The following SMC6 variants were observed in gnomAD, a reference collection of about 807,000 sequenced individuals.
SMC6 encodes structural maintenance of chromosomes 6, also known as structural maintenance of chromosomes protein 6.
SMC6 carries 79 observed loss-of-function variants against 142.2 expected under a neutral mutation model. The ratio of observed to expected loss-of-function variants is 0.56; its 90% CI spans 0.46 to 0.67. The LOEUF is 0.67. Among genes scored for constraint, SMC6 ranks in the 30% least tolerant of loss-of-function variants. The probability of loss-of-function intolerance (pLI) is 0.00; values close to 1 mark genes in which losing one functional copy is unlikely to be tolerated. For missense variants in SMC6, 1,072 were observed against 1,284.0 expected, an observed-to-expected ratio of 0.83 and a Z score of 2.52; for synonymous variants, 411 against 412.4, an observed-to-expected ratio of 1.00 and a Z score of 0.04.
At chr2:17,701,309 A>C (rs1211043464) in intron 20 of SMC6, among the ~76,000 whole-genome samples, 2 of 152,220 alleles carry the variant, frequency 1.3e-5, no homozygotes, top group Non-Finnish European at 2.9e-5. Flanking sequence ...TATCTAATTC[A>C]CTGTTTACTG....
rs149303218 is a variant in SMC6 at position 17,723,107 on chromosome 2, GTCAT to G, written c.727-1850_727-1847del. Among the ~76,000 whole-genome samples the G allele has an allele frequency of 7.2e-3, 1,089 of 151,850 alleles. 10 individuals carry two copies. The highest frequency in any genetic ancestry group is 0.025 in the South Asian group (120 of 4,796). ...TACTACTAAAGTAATTAATCTGGAG[GTCAT>G]TCAGTCACCTTTGATGCCTCTGTCT... On this transcript the variant is annotated intron_variant, in intron 9 of 27. Coordinates refer to ENST00000448223, the MANE Select transcript of SMC6 (RefSeq NM_001142286.2).
At chr2:17,731,642 G>T in intron 6 of SMC6, 99 bp downstream of exon 6, 2 of 1,181,934 alleles carry the variant, frequency 1.7e-6, no homozygotes, top group Non-Finnish European at 2.4e-6. Flanking sequence ...AACCAATCAT[G>T]TTACAAGGAA....
chr2:17,666,748 G>A (rs1161684561), intron 26 of SMC6, among the ~76,000 whole-genome samples: 2 of 151,996 alleles, frequency 1.3e-5, no homozygotes, highest in Non-Finnish European at 1.5e-5. Flanking sequence ...TTTGAGAGGT[G>A]GAGGTCACAG....
intron 26 of SMC6, among the ~76,000 whole-genome samples, chr2:17,669,738 GCAAA>G (rs1320198930): frequency 1.3e-5 from 2 of 152,244 alleles, no homozygotes; most frequent in African/African-American, 4.8e-5. Flanking sequence ...AGTAGATTGA[GCAAA>G]CAATGAGATA....
chr2:17,732,765 C>G (rs1456005260), intron 5 of SMC6, among the ~76,000 whole-genome samples: 1 of 151,436 alleles, frequency 6.6e-6, no homozygotes, highest in Non-Finnish European at 1.5e-5. Context: ...ATTAAAAAGA[C>G]ATATTTTAAA....
intron 5 of SMC6, among the ~76,000 whole-genome samples, chr2:17,735,253 A>G (rs1025043161): frequency 6.6e-6 from 1 of 152,204 alleles, no homozygotes; most frequent in Non-Finnish European, 1.5e-5. Context: ...CAATGAGTGA[A>G]AAGAGAGACT....
intron 25 of SMC6, among the ~76,000 whole-genome samples, chr2:17,671,317 A>G (rs908921903): frequency 6.6e-6 from 1 of 152,052 alleles, no homozygotes; most frequent in Non-Finnish European, 1.5e-5. Flanking sequence ...TACACTGGCC[A>G]AAGAAATGCA....
At chr2:17,677,004 T>C (rs769553907) in intron 25 of SMC6, among the ~76,000 whole-genome samples, 9 of 152,146 alleles carry the variant, frequency 5.9e-5, no homozygotes, top group Non-Finnish European at 1.0e-4. Flanking sequence ...AGAAGAATTT[T>C]ACTTCTTCTG....
intron 16 of SMC6, among the ~76,000 whole-genome samples, chr2:17,713,117 A>G (rs932713547): frequency 1.3e-5 from 2 of 152,240 alleles, no homozygotes; most frequent in African/African-American, 4.8e-5. Flanking sequence ...TTTGTCAACA[A>G]AACACTCAAC....
chr2:17,742,281 T>C (rs1670512023), intron 3 of SMC6, among the ~76,000 whole-genome samples: 1 of 152,220 alleles, frequency 6.6e-6, no homozygotes, highest in Non-Finnish European at 1.5e-5. Flanking sequence ...CTATCTGACA[T>C]TCACTATTTC....
intron 9 of SMC6, 80 bp from the exon 10 acceptor site, chr2:17,721,341 A>T: frequency 7.4e-7 from 1 of 1,352,548 alleles, no homozygotes; most frequent in Admixed American, 3.0e-5. Flanking sequence ...TTCTTTTAAA[A>T]ACAATGCCTA....
At chr2:17,748,596 G>A (rs192085479) in intron 2 of SMC6, among the ~76,000 whole-genome samples, 6 of 152,106 alleles carry the variant, frequency 3.9e-5, no homozygotes, top group East Asian at 3.9e-4. Flanking sequence ...AACATAGATC[G>A]GTTTCAGTTT....
At chr2:17,752,849 A>C (rs1671126796) in intron 2 of SMC6, 129 bp downstream of exon 2, 1 of 174,572 alleles carries the variant, frequency 5.7e-6, no homozygotes, top group Non-Finnish European at 1.1e-5. Flanking sequence ...ATTACTGAGA[A>C]GTTTGCCTTT....
intron 18 of SMC6, among the ~76,000 whole-genome samples, chr2:17,703,984 G>T (rs1420307039): frequency 6.6e-6 from 1 of 151,826 alleles, no homozygotes; most frequent in East Asian, 1.9e-4. Context: ...ACTGCATTGG[G>T]GGTCAGTGCC....
In SMC6 at chr2:17,737,576, T is replaced by C. The variant is rs376763604; in HGVS notation, c.344+645A>G. Among the ~76,000 whole-genome samples, 8 of 152,188 alleles carry C rather than the reference T, an allele frequency of 5.3e-5. No individual in the cohort carries two copies. The South Asian group carries it at 1.7e-3, about 32-fold the overall frequency. On this transcript the variant is annotated intron_variant, in intron 5 of 27. Coordinates refer to ENST00000448223, the MANE Select transcript of SMC6 (RefSeq NM_001142286.2). ...GTCCATGATGATGCAAACTGGACAA[T>C]TCACATATAGCTATGTGATGGCAAC...
intron 8 of SMC6, among the ~76,000 whole-genome samples, chr2:17,725,721 CA>C (rs1669582425): frequency 6.6e-6 from 1 of 151,968 alleles, no homozygotes; most frequent in Non-Finnish European, 1.5e-5. Flanking sequence ...TAAGAAATAC[CA>C]AAACTCACTC....
chr2:17,695,059 A>T, intron 23 of SMC6, 93 bp downstream of exon 23: 1 of 1,390,140 alleles, frequency 7.2e-7, no homozygotes, highest in South Asian at 1.2e-5. Context: ...GTAACACTTC[A>T]TTCAAATTTA....
intron 26 of SMC6, among the ~76,000 whole-genome samples, chr2:17,670,099 A>G (rs1014461094): frequency 5.3e-5 from 8 of 152,226 alleles, no homozygotes; most frequent in Non-Finnish European, 1.0e-4. Context: ...TATTAAAACA[A>G]AAAGTCTGAA....
chr2:17,693,676 G>A (rs1402542275), intron 23 of SMC6, among the ~76,000 whole-genome samples: 8 of 151,550 alleles, frequency 5.3e-5, no homozygotes, highest in Admixed American at 4.6e-4. Flanking sequence ...TACCCTAAAA[G>A]TATAATAATA....
Sources: gnomAD v4.1 joint callset for allele counts (sites outside exome capture counted in the v4.1 genomes callset) on GRCh38, gnomAD v4.1.1 for gene constraint, MANE v1.5 for transcripts, NCBI Gene and HGNC (gene_info 2026-07-23, HGNC 2026-07-21) for gene names.